The following TLN2 variants were observed in gnomAD, a reference collection of about 807,000 sequenced individuals.
TLN2 encodes talin-2.
TLN2 carries 118 observed loss-of-function variants against 294.7 expected under a neutral mutation model. The observed-to-expected ratio is 0.40, with a 90% CI of 0.34 to 0.47. TLN2 has a LOEUF of 0.47. TLN2 is among the 20% of genes least tolerant of loss of function. TLN2 has a pLI of 0.84. For synonymous variants in TLN2, 1,431 were observed against 1,304.5 expected (o/e 1.10, Z -2.09); for missense variants, 3,083 against 3,282.2 (o/e 0.94, Z 1.48).
rs536751484 is a variant in TLN2 at position 62,763,543 on chromosome 15, A to C, written c.4962-20A>C. ...TTGAGCCCCATGGAGCCTGTGTCCA[A>C]CTTGCACTATTCCTTCCAGGGACAA... On this transcript the variant is annotated intron_variant, in intron 39 of 58. Coordinates refer to ENST00000636159, the MANE Select transcript of TLN2 (RefSeq NM_015059.3). 6.3e-7 allele frequency: 1 copy of C among 1,592,960 alleles called. No individual in the cohort carries two copies. Among genetic ancestry groups the C allele is most frequent in the East Asian group, 2.3e-5 (1 of 44,286 alleles).
intron 11 of TLN2, among the ~76,000 whole-genome samples, chr15:62,681,544 A>G (rs911857859): frequency 2.0e-5 from 3 of 152,184 alleles, no homozygotes; most frequent in Non-Finnish European, 4.4e-5. Flanking sequence ...ATGTCATTGT[A>G]ATAGAGCGTG....
intron 1 of TLN2, among the ~76,000 whole-genome samples, chr15:62,490,445 G>C (rs1190833664): frequency 6.6e-6 from 1 of 152,184 alleles, no homozygotes; most frequent in African/African-American, 2.4e-5. Context: ...CCCAAAGACA[G>C]TTGGTTGGAA....
intron 3 of TLN2, among the ~76,000 whole-genome samples, chr15:62,639,704 C>T (rs560963785): frequency 2.6e-5 from 4 of 152,246 alleles, no homozygotes; most frequent in Admixed American, 1.3e-4. Context: ...TCGCATGGAG[C>T]GCTCTCAAGT....
At chr15:62,430,362 T>C (rs544186973) in intron 1 of TLN2, among the ~76,000 whole-genome samples, 6 of 152,324 alleles carry the variant, frequency 3.9e-5, no homozygotes, top group African/African-American at 1.4e-4. Context: ...ATGGAAACTA[T>C]CAAAAACAAT....
chr15:62,475,110 G>A (rs887975270), intron 1 of TLN2, among the ~76,000 whole-genome samples: 1 of 152,126 alleles, frequency 6.6e-6, no homozygotes, highest in Non-Finnish European at 1.5e-5. Flanking sequence ...ATCGTTTAAC[G>A]ATTTGTCATT....
At chr15:62,827,478 GTAAC>G (rs1314077078) in intron 54 of TLN2, among the ~76,000 whole-genome samples, 1 of 152,166 alleles carries the variant, frequency 6.6e-6, no homozygotes, top group Non-Finnish European at 1.5e-5. Flanking sequence ...AGAAAACTGA[GTAAC>G]TGATACCTGG....
intron 42 of TLN2, among the ~76,000 whole-genome samples, chr15:62,776,200 A>G (rs1010837116): frequency 2.6e-5 from 4 of 152,146 alleles, no homozygotes; most frequent in African/African-American, 7.2e-5. Flanking sequence ...TAAGGAATGC[A>G]TGGGTACTCA....
At chr15:62,700,748 A>G (rs1279725885) in intron 16 of TLN2, among the ~76,000 whole-genome samples, 1 of 152,254 alleles carries the variant, frequency 6.6e-6, no homozygotes, top group Non-Finnish European at 1.5e-5. Context: ...AGCAACAACT[A>G]TTAGTGCTAA....
At chr15:62,704,084 C>T (rs2141107206) in intron 19 of TLN2, among the ~76,000 whole-genome samples, 1 of 152,286 alleles carries the variant, frequency 6.6e-6, no homozygotes, top group East Asian at 1.9e-4. Context: ...GTGTCATGTT[C>T]ACTGTTTAGG....
chr15:62,770,743 C>T (rs1165411173), intron 41 of TLN2, among the ~76,000 whole-genome samples: 2 of 146,144 alleles, frequency 1.4e-5, no homozygotes, highest in Non-Finnish European at 3.1e-5. Flanking sequence ...TTCTTAGCAC[C>T]TCTGCCATAT....
At chr15:62,398,863 G>A (rs551838438) in intron 1 of TLN2, among the ~76,000 whole-genome samples, 11 of 152,278 alleles carry the variant, frequency 7.2e-5, no homozygotes, top group Non-Finnish European at 1.5e-4. Flanking sequence ...TCATTTTCTG[G>A]GGAGAATTTC....
At chr15:62,437,897 T>G (rs577210951) in intron 1 of TLN2, among the ~76,000 whole-genome samples, 15 of 152,176 alleles carry the variant, frequency 9.9e-5, no homozygotes, top group African/African-American at 3.4e-4. Flanking sequence ...ATGAATCATT[T>G]ATGCAACAAC....
chr15:62,420,806 C>T (rs1444750476), intron 1 of TLN2, among the ~76,000 whole-genome samples: 1 of 152,098 alleles, frequency 6.6e-6, no homozygotes, highest in African/African-American at 2.4e-5. Flanking sequence ...GAAGAAACTC[C>T]CCAGGCCTCC....
chr15:62,719,219 C>T (rs1022958278), intron 24 of TLN2, among the ~76,000 whole-genome samples: 1 of 152,296 alleles, frequency 6.6e-6, no homozygotes, highest in South Asian at 2.1e-4. Flanking sequence ...AATGCCGTGC[C>T]TCTCTCCTTT....
At chr15:62,556,941 T>C (rs1397393652) in intron 1 of TLN2, among the ~76,000 whole-genome samples, 1 of 152,220 alleles carries the variant, frequency 6.6e-6, no homozygotes, top group Non-Finnish European at 1.5e-5. Flanking sequence ...ATTTAAGTCA[T>C]TTTTCATTTT....
intron 1 of TLN2, among the ~76,000 whole-genome samples, chr15:62,546,439 G>T (rs188623533): frequency 1.3e-4 from 20 of 152,286 alleles, no homozygotes; most frequent in Non-Finnish European, 2.8e-4. Flanking sequence ...TGCTTGTGCT[G>T]TGTTAATTTT....
At chr15:62,730,564 T>A (rs1035610971) in intron 28 of TLN2, among the ~76,000 whole-genome samples, 2 of 152,298 alleles carry the variant, frequency 1.3e-5, no homozygotes, top group East Asian at 3.9e-4. Context: ...TTCTTTCCAT[T>A]TTGGTTTGTC....
At position 62,712,078 on chromosome 15, in the gene TLN2, G is replaced by A; in HGVS notation, c.2634+1G>A. The A allele has an allele frequency of 6.2e-7, 1 of 1,613,270 alleles. No individual in the cohort carries two copies. Among genetic ancestry groups the A allele is most frequent in the African/African-American group, 1.3e-5 (1 of 75,026 alleles). Reference sequence around the variant, plus strand: ...TGCTCGCATGGTGGAAGCTGCAAAGGTATTCTACTGGATTTGTTTGTATGA... The same window carrying A: ...TGCTCGCATGGTGGAAGCTGCAAAGATATTCTACTGGATTTGTTTGTATGA... On this transcript the variant is annotated splice_donor_variant, in intron 22 of 58. Coordinates refer to ENST00000636159, the MANE Select transcript of TLN2 (RefSeq NM_015059.3). LOFTEE classifies it high-confidence loss of function.
At chr15:62,425,397 C>T (rs1243748677) in intron 1 of TLN2, among the ~76,000 whole-genome samples, 1 of 152,166 alleles carries the variant, frequency 6.6e-6, no homozygotes, top group Admixed American at 6.5e-5. Flanking sequence ...ATCCTCACAG[C>T]CCGGTAACTC....
Sources: gnomAD v4.1 joint callset for allele counts (sites outside exome capture counted in the v4.1 genomes callset) on GRCh38, gnomAD v4.1.1 for gene constraint, MANE v1.5 for transcripts, NCBI Gene and HGNC (gene_info 2026-07-23, HGNC 2026-07-21) for gene names.